The following AP4E1 variants were observed in gnomAD, a reference collection of about 807,000 sequenced individuals.
The protein encoded by AP4E1 is AP-4 complex subunit epsilon-1.
Under a neutral mutation model 128.2 loss-of-function variants are expected in AP4E1, and 56 were observed. That is an observed-to-expected ratio of 0.44 (90% CI 0.35 to 0.55). AP4E1 has a LOEUF of 0.55. Among genes scored for constraint, AP4E1 ranks in the 20% least tolerant of loss-of-function variants. The probability of loss-of-function intolerance (pLI) is 0.00; values close to 1 mark genes in which losing one functional copy is unlikely to be tolerated. For missense variants in AP4E1, 1,324 were observed against 1,307.7 expected (o/e 1.01, Z -0.19); for synonymous variants, 484 against 473.1 (o/e 1.02, Z -0.30).
chr15:51,005,553 T>C lies in AP4E1; in HGVS notation c.*2891T>C, dbSNP rs2065008836. On this transcript the variant is annotated 3_prime_UTR_variant, in exon 21 of 21. Coordinates refer to ENST00000261842, the MANE Select transcript of AP4E1 (RefSeq NM_007347.5). Reference sequence around the variant, plus strand: ...TATACCAAGCACAGCATGTGTCCTGTAGAGGAGCATTATTTTAAACAATGT... The same window carrying C: ...TATACCAAGCACAGCATGTGTCCTGCAGAGGAGCATTATTTTAAACAATGT... 1 of 152,610 alleles carries C rather than the reference T, an allele frequency of 6.6e-6. No individual in the cohort carries two copies. Among genetic ancestry groups the C allele is most frequent in the Admixed American group, 6.5e-5 (1 of 15,270 alleles). The allele number at this position is 152,610 out of a possible 1,614,324, so 9.5% of individuals were successfully genotyped here.
At chr15:50,919,574 A>ATAAATAAG (rs1465425163) in intron 3 of AP4E1, among the ~76,000 whole-genome samples, 3 of 138,588 alleles carry the variant, frequency 2.2e-5, no homozygotes, top group African/African-American at 8.2e-5. Flanking sequence ...AAATAAATAA[A>ATAAATAAG]TAAGTAAATA....
chr15:50,990,777 A>G (rs1212050020), intron 16 of AP4E1, among the ~76,000 whole-genome samples: 1 of 152,180 alleles, frequency 6.6e-6, no homozygotes, highest in Non-Finnish European at 1.5e-5. Flanking sequence ...TAAGAAAATA[A>G]GAAAAATCTT....
chr15:50,958,455 A>G, intron 13 of AP4E1, 37 bp from the exon 14 acceptor site: 1 of 1,551,280 alleles, frequency 6.4e-7, no homozygotes. Flanking sequence ...GTATAACTTG[A>G]TATTTCTATA....
chr15:50,955,257 A>T (rs952641381), intron 13 of AP4E1, among the ~76,000 whole-genome samples: 8 of 152,200 alleles, frequency 5.3e-5, no homozygotes, highest in African/African-American at 1.7e-4. Flanking sequence ...GAATAGCCAC[A>T]CTGTCTTCCA....
At chr15:50,988,558 A>C (rs2064761489) in intron 16 of AP4E1, among the ~76,000 whole-genome samples, 1 of 151,960 alleles carries the variant, frequency 6.6e-6, no homozygotes, top group African/African-American at 2.4e-5. Flanking sequence ...CAAGTGCTCC[A>C]CCCACCTCGG....
chr15:50,962,738 A>G (rs902971619), intron 14 of AP4E1, among the ~76,000 whole-genome samples: 4 of 152,000 alleles, frequency 2.6e-5, no homozygotes, highest in Non-Finnish European at 5.9e-5. Context: ...CAAAAAAGAC[A>G]AAAATGACAA....
chr15:50,941,345 T>C, intron 8 of AP4E1, 97 bp from the exon 9 acceptor site: 1 of 1,376,936 alleles, frequency 7.3e-7, no homozygotes, highest in Non-Finnish European at 1.0e-6. Context: ...CTGACTAAAA[T>C]GGACTTTCCA....
intron 3 of AP4E1, among the ~76,000 whole-genome samples, chr15:50,919,170 C>A (rs764140938): frequency 7.3e-5 from 11 of 151,640 alleles, no homozygotes; most frequent in Non-Finnish European, 1.3e-4. Flanking sequence ...GTGGAGGTTG[C>A]AGTGAGCCAA....
intron 11 of AP4E1, among the ~76,000 whole-genome samples, chr15:50,948,515 T>C (rs2064097081): frequency 6.6e-6 from 1 of 152,068 alleles, no homozygotes; most frequent in Non-Finnish European, 1.5e-5. Flanking sequence ...GGAGGGTGTG[T>C]GGGAGTGGTC....
chr15:50,925,250 T>C (rs2063755020), intron 5 of AP4E1, 31 bp downstream of exon 5: 1 of 1,600,742 alleles, frequency 6.2e-7, no homozygotes, highest in East Asian at 2.2e-5. Flanking sequence ...TAGGCATCTA[T>C]GCCATATATT....
chr15:50,969,959 A>C (rs2064456969), intron 15 of AP4E1, among the ~76,000 whole-genome samples: 2 of 152,146 alleles, frequency 1.3e-5, no homozygotes, highest in South Asian at 4.1e-4. Context: ...ATGCCCGGCC[A>C]CATTCAATAT....
At chr15:50,963,212 C>A (rs1175029618) in intron 14 of AP4E1, among the ~76,000 whole-genome samples, 1 of 151,522 alleles carries the variant, frequency 6.6e-6, no homozygotes, top group Non-Finnish European at 1.5e-5. Flanking sequence ...AAAATTGTTT[C>A]AAAAAAAACA....
In AP4E1 at chr15:50,931,560, T is replaced by C. The variant is rs189525744; in HGVS notation, c.869+589T>C. On this transcript the variant is annotated intron_variant, in intron 7 of 20. Transcript: ENST00000261842. ...CAGCCTGGGTGACAAAGCGAGACTC[T>C]GTCTCAAAAAATAATAATAATAAAT... Among the ~76,000 whole-genome samples, 413 of 152,124 alleles carry C rather than the reference T, an allele frequency of 2.7e-3. 9 individuals carry two copies. In the East Asian group the frequency reaches 0.049, roughly 18 times the overall value.
rs149518818 is a variant in AP4E1 at position 50,974,317 on chromosome 15, A to T, written c.1966+5940A>T. Among the ~76,000 whole-genome samples the T allele has an allele frequency of 4.4e-4, 63 of 143,510 alleles. 1 individual carries two copies. Among genetic ancestry groups the T allele is most frequent in the Admixed American group, 7.9e-4 (11 of 13,944 alleles). 94.1% of individuals were successfully genotyped at this position (143,510 alleles called of 152,430 possible). ...TGTCTCATTCTGTCACCTAGGCTGG[A>T]GTGCAGTAGAACGATCATAGTTCAC... is the stretch of plus-strand genomic sequence containing the variant. On this transcript the variant is annotated intron_variant, in intron 15 of 20. Transcript: ENST00000261842.
intron 10 of AP4E1, among the ~76,000 whole-genome samples, chr15:50,943,209 T>G (rs1334912638): frequency 6.6e-6 from 1 of 152,154 alleles, no homozygotes; most frequent in Non-Finnish European, 1.5e-5. Context: ...TGCATCCATG[T>G]TGCTGCAAAG....
Position 50,913,928 on chromosome 15 carries a change from C to T in AP4E1, c.223-1520C>T, listed in dbSNP as rs144932486. 1.0e-3 allele frequency among the ~76,000 whole-genome samples: 155 copies of T among 152,260 alleles called. 1 individual carries two copies. Among genetic ancestry groups the T allele is most frequent in the African/African-American group, 3.7e-3 (152 of 41,548 alleles). On this transcript the variant is annotated intron_variant, in intron 2 of 20. Coordinates refer to ENST00000261842, the MANE Select transcript of AP4E1 (RefSeq NM_007347.5). ...TCTCGGGTTCAAGCGATTCTCCTGC[C>T]TCAGCCTCCCAAGTAGCTGGGATTA... is the stretch of plus-strand genomic sequence containing the variant.
At chr15:50,980,938 G>A (rs574008652) in intron 15 of AP4E1, among the ~76,000 whole-genome samples, 4 of 152,296 alleles carry the variant, frequency 2.6e-5, no homozygotes, top group East Asian at 1.9e-4. Flanking sequence ...AGAAGATGTC[G>A]TGGACTCCCT....
chr15:50,995,560 A>T (rs2064857500), intron 17 of AP4E1, among the ~76,000 whole-genome samples: 4 of 151,500 alleles, frequency 2.6e-5, no homozygotes, highest in Admixed American at 2.0e-4. Flanking sequence ...TCATTTTTAT[A>T]TTTTTAGTAG....
rs189369334 is a variant in AP4E1, at chr15:50,949,087, C to T, written c.1317-739C>T. Among the ~76,000 whole-genome samples, 452 of 151,916 alleles carry T rather than the reference C, an allele frequency of 3.0e-3. 8 individuals carry two copies. Among genetic ancestry groups the T allele is most frequent in the African/African-American group, 0.011 (440 of 41,436 alleles). The stretch of plus-strand genomic sequence containing the variant: ...TTTTGTCCTAGTCAGTGCTGTAGCT[C>T]TGGCCAGCAGAATGATAGAACTTTA... On this transcript the variant is annotated intron_variant, in intron 11 of 20. Transcript: ENST00000261842.
Sources: gnomAD v4.1 joint callset for allele counts (sites outside exome capture counted in the v4.1 genomes callset) on GRCh38, gnomAD v4.1.1 for gene constraint, MANE v1.5 for transcripts, NCBI Gene and HGNC (gene_info 2026-07-23, HGNC 2026-07-21) for gene names.